Variants in CP observed in about 807,000 individuals in gnomAD.
The protein encoded by CP is caeruloplasmin.
Under a neutral mutation model 122.4 loss-of-function variants are expected in CP, and 64 were observed. The observed-to-expected ratio is 0.52, with a 90% CI of 0.43 to 0.64. The LOEUF is 0.64. Among genes scored for constraint, CP ranks in the 30% least tolerant of loss-of-function variants. The pLI, the probability that CP is intolerant of heterozygous loss-of-function variation, is 0.00. For synonymous variants in CP, 440 were observed against 436.4 expected (o/e 1.01, Z -0.10); for missense variants, 1,167 against 1,284.4 (o/e 0.91, Z 1.40).
At chr3:149,185,487 T>C in intron 11 of CP, 41 bp from the exon 12 acceptor site, 1 of 1,590,924 alleles carries the variant, frequency 6.3e-7, no homozygotes, top group Non-Finnish European at 8.6e-7. Context: ...TCTTTGCTAG[T>C]GCCCTCTGGG....
rs1727039563 is a variant in CP at position 149,198,366 on chromosome 3, C to A, written c.1713+1G>T. ...ATTTTTTTTTCCCCAGTTGGACTTACCTGTCTCCCATTTGCATGTAAACTT... is the reference window on the plus strand; with the variant it reads ...ATTTTTTTTTCCCCAGTTGGACTTAACTGTCTCCCATTTGCATGTAAACTT... On this transcript the variant is annotated splice_donor_variant, in intron 9 of 18. Transcript: ENST00000264613. LOFTEE classifies it high-confidence loss of function. 3 of 1,613,192 alleles carry A rather than the reference C, an allele frequency of 1.9e-6. No individual in the cohort carries two copies. Among genetic ancestry groups the A allele is most frequent in the African/African-American group, 2.7e-5 (2 of 74,898 alleles).
intron 13 of CP, among the ~76,000 whole-genome samples, chr3:149,182,521 G>C (rs1161365124): frequency 1.3e-5 from 2 of 152,122 alleles, no homozygotes; most frequent in East Asian, 3.9e-4. Flanking sequence ...TAGTCTAGGG[G>C]TTGAGGATAA....
At position 149,210,367 on chromosome 3, in the gene CP, G is replaced by T; in HGVS notation, c.407C>A (p.Pro136His). 1 of 1,613,990 alleles carries T rather than the reference G, an allele frequency of 6.2e-7. No individual in the cohort carries two copies. The highest frequency in any genetic ancestry group is 2.2e-5 in the East Asian group (1 of 44,870). Residue 136 changes from proline (P) to histidine (H), a missense_variant, in exon 3 of 19, where the codon CCT becomes CAT. By Grantham distance (77) the Pro-to-His change is moderately conservative (BLOSUM62 -2). This residue lies in a region of CP where 642 missense variants were observed against 627.3 expected (regional missense o/e 1.02). Transcript: ENST00000264613. ...YYKEHEGAIY[P>H]DNTTDFQRAD... is the part of the protein sequence containing the mutation. ...TCTTTGAAAATCTGTGGTGTTATCA[G>T]GGTAGATGGCCCCTAGGAAGCAACA...
At position 149,212,679 on chromosome 3, in the gene CP, G is replaced by C; in HGVS notation, c.166C>G (p.Leu56Val). 1 of 1,613,684 alleles carries C rather than the reference G, an allele frequency of 6.2e-7. No homozygotes were observed. Among genetic ancestry groups the C allele is most frequent in the Non-Finnish European group, 8.5e-7 (1 of 1,179,906 alleles). Residue 56 changes from leucine (L) to valine (V), a missense_variant, in exon 2 of 19, where the codon CTT (leucine) becomes GTT (valine). Leu to Val is a conservative substitution (Grantham distance 32). Around this residue, in one of 2 missense-constraint regions of CP, gnomAD observed 642 missense variants for 627.3 expected, o/e 1.02. Transcript: ENST00000264613. ...SVDTEHSNIY[L>V]QNGPDRIGRL... is the part of the protein sequence containing the mutation. ...CCAATTCTATCTGGGCCATTTTGAAGATAGATATTGGAATGTTCCCTGCAA... is the reference window on the plus strand; with the variant it reads ...CCAATTCTATCTGGGCCATTTTGAACATAGATATTGGAATGTTCCCTGCAA...
At chr3:149,183,728 T>C (rs1725943555) in intron 12 of CP, 123 bp from the exon 13 acceptor site, 1 of 702,512 alleles carries the variant, frequency 1.4e-6, no homozygotes, top group East Asian at 2.8e-5. Flanking sequence ...TTTTAAATCA[T>C]CACTCTTCTA....
At chr3:149,216,268 G>T (rs568609829) in intron 1 of CP, among the ~76,000 whole-genome samples, 234 of 152,348 alleles carry the variant, frequency 1.5e-3, no homozygotes, top group African/African-American at 5.3e-3. Flanking sequence ...TCAAGGGGCT[G>T]CTGAGCTGAG....
chr3:149,198,345 T>C, intron 9 of CP, 22 bp downstream of exon 9: 1 of 1,589,684 alleles, frequency 6.3e-7, no homozygotes, highest in Non-Finnish European at 8.6e-7. Context: ...TGAACAATTT[T>C]TTTTTCCCCA....
At chr3:149,201,278 G>C (rs889649572) in intron 7 of CP, among the ~76,000 whole-genome samples, 2 of 151,976 alleles carry the variant, frequency 1.3e-5, no homozygotes, top group African/African-American at 4.8e-5. Flanking sequence ...CCGCCACCAC[G>C]CCCGGCTAAT....
At chr3:149,170,802 G>A (rs73866990), downstream of CP, among the ~76,000 whole-genome samples, 1,975 of 152,234 alleles carry the variant, frequency 0.013, 38 homozygotes, top group African/African-American at 0.045. Context: ...GGCATGCAAC[G>A]ATCACACAGG....
chr3:149,202,078 C>T (rs1485094082), intron 7 of CP, 24 bp downstream of exon 7: 3 of 1,613,818 alleles, frequency 1.9e-6, no homozygotes, highest in South Asian at 2.2e-5. Context: ...GTAAACCAGC[C>T]ATATATATTC....
chr3:149,181,975 C>CTGG, intron 14 of CP, 30 bp downstream of exon 14: 1 of 1,088,426 alleles, frequency 9.2e-7, no homozygotes, highest in Non-Finnish European at 1.4e-6. Context: ...TGTTAAAATG[C>CTGG]ACCACCCCCA....
intron 5 of CP, among the ~76,000 whole-genome samples, chr3:149,164,440 A>T (rs757507593): frequency 2.6e-5 from 4 of 152,222 alleles, no homozygotes; most frequent in Non-Finnish European, 5.9e-5. Flanking sequence ...GAGAATGTGG[A>T]TCATCCTTTA....
intron 1 of CP, among the ~76,000 whole-genome samples, chr3:149,219,857 AT>A (rs1317064365): frequency 1.3e-5 from 2 of 149,606 alleles, no homozygotes; most frequent in African/African-American, 2.5e-5. Flanking sequence ...GAGGGCTCAG[AT>A]GACAGGAAGG....
intron 5 of CP, among the ~76,000 whole-genome samples, chr3:149,165,484 A>ATT (rs34255649): frequency 1.5e-4 from 22 of 149,372 alleles, no homozygotes; most frequent in African/African-American, 2.5e-4. Context: ...AACTTTTATA[A>ATT]TTTTTTTTTT....
intron 1 of CP, among the ~76,000 whole-genome samples, chr3:149,217,537 G>A (rs1728547170): frequency 6.6e-6 from 1 of 152,150 alleles, no homozygotes. Flanking sequence ...TTCTTAGTCT[G>A]AGAATACGTT....
chr3:149,218,252 A>G (rs920432524), intron 1 of CP, among the ~76,000 whole-genome samples: 1 of 152,316 alleles, frequency 6.6e-6, no homozygotes, highest in South Asian at 2.1e-4. Context: ...ATGGACCCAG[A>G]ACACACTATT....
chr3:149,162,508 T>C, exon 6 of CP: 1 of 908,672 alleles, frequency 1.1e-6, no homozygotes, highest in Non-Finnish European at 1.7e-6. Flanking sequence ...AGAAACTTTA[T>C]TTGTACATCC....
intron 1 of CP, 109 bp from the exon 2 acceptor site, chr3:149,212,807 T>A: frequency 1.5e-6 from 2 of 1,336,476 alleles, no homozygotes; most frequent in South Asian, 2.7e-5. Flanking sequence ...GCACATCACA[T>A]TGAATGTTTG....
rs1726303631 is a variant in CP at position 149,188,195 on chromosome 3, A to G, written c.1721T>C (p.Val574Ala). The G allele has an allele frequency of 6.2e-7, 1 of 1,610,962 alleles. No homozygotes were observed. Among genetic ancestry groups the G allele is most frequent in the African/African-American group, 1.3e-5 (1 of 74,866 alleles). The change falls in exon 10 of 19, where the codon GTA becomes GCA. Residue 574 changes from valine to alanine, a missense_variant. Around this residue, in one of 2 missense-constraint regions of CP, gnomAD observed 525 missense variants for 657.2 expected, o/e 0.80. Transcript: ENST00000264613. ...AGGAAACAAATAGAATTCCTTGTCTACATCTTTCTGTAAATCAAAACAAAA... is the reference window on the plus strand; with the variant it reads ...AGGAAACAAATAGAATTCCTTGTCTGCATCTTTCTGTAAATCAAAACAAAA... Reference protein sequence around the residue: ...SLHANGRQKDVDKEFYLFPTV... With the variant: ...SLHANGRQKDADKEFYLFPTV...
Sources: gnomAD v4.1 joint callset for allele counts (sites outside exome capture counted in the v4.1 genomes callset) on GRCh38, gnomAD v4.1.1 for gene constraint, gnomAD v4.1.1 regional missense constraint, MANE v1.5 for transcripts, NCBI Gene and HGNC (gene_info 2026-07-23, HGNC 2026-07-21) for gene names.